PLAC1: variants seen among roughly 807,000 people sequenced by gnomAD.
PLAC1 encodes placenta-specific protein 1.
For synonymous variants in PLAC1, 68 were observed against 62.1 expected (o/e 1.09, Z -0.44); for missense variants, 136 against 163.2 (o/e 0.83, Z 0.91).
intron 2 of PLAC1, among the ~76,000 whole-genome samples, chrX:134,578,248 C>G (rs1456460825): frequency 9.1e-6 from 1 of 109,361 alleles, no homozygotes; most frequent in Non-Finnish European, 1.9e-5. Flanking sequence ...CCCGTCTCTA[C>G]TAAAAATACA....
At chrX:134,613,369 G>C (rs2078163458) in intron 1 of PLAC1, among the ~76,000 whole-genome samples, 1 of 110,726 alleles carries the variant, frequency 9.0e-6, no homozygotes. Context: ...GTTACATCAA[G>C]TAGAACTATG....
chrX:134,679,243 A>T (rs2078485508), intron 2 of PLAC1, among the ~76,000 whole-genome samples: 1 of 111,680 alleles, frequency 9.0e-6, no homozygotes, highest in Non-Finnish European at 1.9e-5. Flanking sequence ...GGTAGGCTCA[A>T]GAATCAGGAG....
chrX:134,616,579 T>A (rs2078181823), intron 1 of PLAC1, among the ~76,000 whole-genome samples: 1 of 109,177 alleles, frequency 9.2e-6, no homozygotes, highest in Non-Finnish European at 1.9e-5. Context: ...GAGCTTGCAG[T>A]GAGCCGAGAT....
At chrX:134,603,460 C>T (rs2078108147) in intron 1 of PLAC1, among the ~76,000 whole-genome samples, 1 of 98,740 alleles carries the variant, frequency 1.0e-5, no homozygotes, top group Non-Finnish European at 2.0e-5. Context: ...GCCTCAGCCT[C>T]CCGAGTAGCT....
intron 2 of PLAC1, among the ~76,000 whole-genome samples, chrX:134,713,667 T>C (rs887606339): frequency 8.9e-6 from 1 of 111,957 alleles, no homozygotes; most frequent in African/African-American, 3.2e-5. Flanking sequence ...TATGACATAA[T>C]GGTGTGACGG....
At chrX:134,719,059 G>A (rs1168011565) in intron 2 of PLAC1, among the ~76,000 whole-genome samples, 1 of 112,134 alleles carries the variant, frequency 8.9e-6, no homozygotes, top group Admixed American at 9.5e-5. Context: ...ATAGAGACAG[G>A]AAGCAGATTA....
At chrX:134,611,782 A>C (rs761742981) in intron 1 of PLAC1, among the ~76,000 whole-genome samples, 1 of 110,933 alleles carries the variant, frequency 9.0e-6, no homozygotes, top group African/African-American at 3.3e-5. Flanking sequence ...GGCACGAGAC[A>C]CAAGGCAGGT....
In PLAC1 at chrX:134,750,827, ATATATATT is replaced by A. The variant is rs1265229198; in HGVS notation, n.89+13399_89+13406del. ...CAAAAAAAAAAATATATATATATAT[ATATATATT>A]TATATATATATTTATATATATATAT... On this transcript the variant is annotated intron_variant and non_coding_transcript_variant, in intron 1 of 2. Transcript: ENST00000466797. 1.1e-3 allele frequency among the ~76,000 whole-genome samples: 38 copies of A among 33,498 alleles called. 8 individuals are homozygous for A. The highest frequency in any genetic ancestry group is 4.6e-3 in the African/African-American group (25 of 5,478). 29.1% of individuals were successfully genotyped at this position (33,498 alleles called of 115,157 possible).
chrX:134,734,114 T>A (rs2078696576), intron 1 of PLAC1, among the ~76,000 whole-genome samples: 1 of 112,419 alleles, frequency 8.9e-6, no homozygotes, highest in South Asian at 3.7e-4. Context: ...TAGCTGTGCC[T>A]TGTTTGGGAG....
chrX:134,570,382 A>T (rs1473006516), intron 2 of PLAC1, among the ~76,000 whole-genome samples: 2 of 111,420 alleles, frequency 1.8e-5, no homozygotes, highest in African/African-American at 6.5e-5. Flanking sequence ...GGCCATGCAC[A>T]GTATCCCAGG....
At chrX:134,689,536 G>A (rs934864352) in intron 2 of PLAC1, among the ~76,000 whole-genome samples, 4 of 111,407 alleles carry the variant, frequency 3.6e-5, no homozygotes, top group African/African-American at 9.8e-5. Flanking sequence ...TAGCACCCAC[G>A]GGTGTCTCCT....
intron 2 of PLAC1, among the ~76,000 whole-genome samples, chrX:134,703,270 T>A: frequency 9.0e-6 from 1 of 110,593 alleles, no homozygotes; most frequent in South Asian, 3.8e-4. Context: ...AAATAGAAAA[T>A]TTTTAACCAG....
intron 2 of PLAC1, among the ~76,000 whole-genome samples, chrX:134,663,554 T>G (rs1237639001): frequency 8.9e-6 from 1 of 112,665 alleles, no homozygotes; most frequent in Non-Finnish European, 1.9e-5. Flanking sequence ...AGTCTTTGAA[T>G]AGGTTCATGG....
intron 2 of PLAC1, among the ~76,000 whole-genome samples, chrX:134,677,783 C>T (rs959481804): frequency 5.4e-5 from 6 of 111,461 alleles, no homozygotes; most frequent in Non-Finnish European, 7.5e-5. Context: ...TTAAAAAGTT[C>T]GATTTGGCTC....
At chrX:134,601,226 T>A (rs996804808) in intron 2 of PLAC1, among the ~76,000 whole-genome samples, 2 of 112,280 alleles carry the variant, frequency 1.8e-5, no homozygotes, top group Non-Finnish European at 3.8e-5. Flanking sequence ...TTTCATAGTA[T>A]AAATGTTACT....
chrX:134,620,805 C>T (rs544105263), intron 1 of PLAC1, among the ~76,000 whole-genome samples: 9 of 112,595 alleles, frequency 8.0e-5, no homozygotes, highest in African/African-American at 1.3e-4. Flanking sequence ...CCATGAACTA[C>T]GCAAATCCTT....
intron 1 of PLAC1, among the ~76,000 whole-genome samples, chrX:134,752,984 CAG>C (rs1220273638): frequency 9.0e-6 from 1 of 111,679 alleles, no homozygotes; most frequent in East Asian, 2.8e-4. Flanking sequence ...GTATAAAAGG[CAG>C]ATTGTTTGGG....
intron 2 of PLAC1, among the ~76,000 whole-genome samples, chrX:134,665,580 G>A (rs1379290653): frequency 8.1e-5 from 9 of 111,410 alleles, no homozygotes; most frequent in Non-Finnish European, 1.7e-4. Context: ...CTCCTTTGTG[G>A]CAGGTATTTT....
intron 2 of PLAC1, among the ~76,000 whole-genome samples, chrX:134,729,795 T>C (rs965346017): frequency 9.0e-6 from 1 of 111,522 alleles, no homozygotes; most frequent in African/African-American, 3.3e-5. Context: ...ATCTTTTTTT[T>C]TGTTTTGTTT....
Sources: allele counts gnomAD v4.1 joint callset (sites outside exome capture counted in the v4.1 genomes callset), GRCh38; gene constraint gnomAD v4.1.1; transcripts MANE v1.5; gene names NCBI Gene and HGNC (gene_info 2026-07-23, HGNC 2026-07-21).